Variants in TPRN observed in about 807,000 individuals in gnomAD.
TPRN encodes the protein taperin.
A neutral mutation model predicts 42.6 loss-of-function variants in TPRN; 32 were observed. The observed-to-expected ratio is 0.75, with a 90% confidence interval of 0.57 to 1.01. The LOEUF (loss-of-function observed/expected upper bound fraction) is 1.01, where lower values mean the gene tolerates loss of function less well. TPRN is among the 50% of genes least tolerant of loss of function. TPRN has a pLI of 0.00. For missense variants in TPRN, 1,095 were observed against 957.5 expected, an observed-to-expected ratio of 1.14 and a Z score of -1.90; for synonymous variants, 541 against 445.6, an observed-to-expected ratio of 1.21 and a Z score of -2.70.
chr9:137,191,758 C>T lies in TPRN; in HGVS notation c.*354G>A, dbSNP rs1490783695. On this transcript the variant is annotated 3_prime_UTR_variant, in exon 4 of 4. Coordinates refer to ENST00000409012, the MANE Select transcript of TPRN (RefSeq NM_001128228.3). ...TGGGACAGCCCTTCACCCCGACACC[C>T]CATGGCCACTGTGAGGCAGGCTGAG... The T allele has an allele frequency of 4.9e-6, 2 of 411,344 alleles. No individual in the cohort carries two copies. Among genetic ancestry groups the T allele is most frequent in the Middle Eastern group, 7.6e-4 (1 of 1,322 alleles). The allele number at this position is 411,344 out of a possible 1,614,324, so 25.5% of individuals were successfully genotyped here.
intron 1 of TPRN, among the ~76,000 whole-genome samples, chr9:137,196,472 A>G (rs565523589): frequency 3.9e-5 from 6 of 152,314 alleles, no homozygotes; most frequent in African/African-American, 1.4e-4. Flanking sequence ...CTGTAATCCC[A>G]GCTACTTGAG....
rs2131355732 is a variant in TPRN at position 137,200,728 on chromosome 9, C to T, written c.-17G>A. 1 of 1,134,292 alleles carries T rather than the reference C, an allele frequency of 8.8e-7. No individual in the cohort carries two copies. The highest frequency in any genetic ancestry group is 1.1e-6 in the Non-Finnish European group (1 of 926,278). 70.3% of individuals were successfully genotyped at this position (1,134,292 alleles called of 1,614,324 possible). ...GGCGGCCATGCTGCGAACGCGGCAG[C>T]GGACGGCTGGACTGAGGGCCGGAGT... On this transcript the variant is annotated 5_prime_UTR_variant, in exon 1 of 4. Transcript: ENST00000409012. The surrounding 1 kb of genome is among the most constrained non-coding windows in gnomAD (Gnocchi z 4.3).
In TPRN at chr9:137,198,326, G is replaced by A. The variant is rs1834737540; in HGVS notation, c.1725+661C>T. Among the ~76,000 whole-genome samples the A allele has an allele frequency of 3.3e-5, 5 of 152,190 alleles. 1 individual carries two copies. In the South Asian group the frequency reaches 8.3e-4, roughly 25 times the overall value. ...CAGAGGATTCCAGGCCACTGGCCAA[G>A]AGGGAGACTCCCCTGCCTGGCTGGC... On this transcript the variant is annotated intron_variant, in intron 1 of 3. Coordinates refer to ENST00000409012, the MANE Select transcript of TPRN (RefSeq NM_001128228.3).
Position 137,199,858 on chromosome 9 carries a change from T to C in TPRN, c.854A>G (p.Gln285Arg), listed in dbSNP as rs972076137. Residue 285 changes from glutamine (Q) to arginine (R), a missense_variant, in exon 1 of 4, where the codon CAG (glutamine) becomes CGG (arginine). Coordinates refer to ENST00000409012, the MANE Select transcript of TPRN (RefSeq NM_001128228.3). The part of the protein sequence containing the change: ...PPASATPSQR[Q>R]CVSAATSTND... ...GGTGCTGGTGGCTGCGGAGACGCACTGGCGCTGGCTAGGAGTGGCACTGGC... is the reference window on the plus strand; with the variant it reads ...GGTGCTGGTGGCTGCGGAGACGCACCGGCGCTGGCTAGGAGTGGCACTGGC... 4 of 1,298,934 alleles carry C rather than the reference T, an allele frequency of 3.1e-6. No homozygotes were observed. The South Asian group carries it at 4.9e-5, about 16-fold the overall frequency. The allele number at this position is 1,298,934 out of a possible 1,614,324, so 80.5% of individuals were successfully genotyped here. A position where few individuals can be genotyped will look rare whatever the true frequency, so the allele number is the denominator to read the frequency against.
At position 137,199,704 on chromosome 9, in the gene TPRN, C is replaced by T; in HGVS notation, c.1008G>A (p.Lys336=). Residue 336 remains lysine, a synonymous_variant, in exon 1 of 4, where the codon AAG becomes AAA. Transcript: ENST00000409012. ...NSRNSFMVIP[K]SKASGAPPPE... is the part of the protein sequence containing the mutation. ...GAGGAGGAGCCCCGGAGGCCTTGCT[C>T]TTGGGGATGACCATGAAAGAATTTC... The T allele has an allele frequency of 6.2e-7, 1 of 1,610,796 alleles. No homozygotes were observed. The highest frequency in any genetic ancestry group is 8.5e-7 in the Non-Finnish European group (1 of 1,179,216).
At chr9:137,194,993 T>C (rs1228344386) in intron 1 of TPRN, 1 of 152,324 alleles carries the variant, frequency 6.6e-6, no homozygotes, top group South Asian at 2.1e-4. Flanking sequence ...AGGACCCTTC[T>C]GTTCTCGCTC....
chr9:137,197,539 C>T (rs1301854626), intron 1 of TPRN, among the ~76,000 whole-genome samples: 3 of 152,190 alleles, frequency 2.0e-5, no homozygotes, highest in African/African-American at 4.8e-5. Flanking sequence ...ACTCCGTACT[C>T]GCCCCACAAG....
At chr9:137,197,291 C>G (rs957938402) in intron 1 of TPRN, among the ~76,000 whole-genome samples, 1 of 152,120 alleles carries the variant, frequency 6.6e-6, no homozygotes. Flanking sequence ...TTAGTAGAGA[C>G]GGGGTTTCAC....
At position 137,199,549 on chromosome 9, in the gene TPRN, A is replaced by G. The variant is rs573628971; in HGVS notation, c.1163T>C (p.Val388Ala). The part of the protein sequence containing the change: ...APALGKSPLE[V>A]EAQWAVEEGA... ...CTCCTCGACTGCCCACTGTGCCTCG[A>G]CCTCCAGGGGGCTCTTCCCGAGGGC... Residue 388 changes from valine to alanine, a missense_variant, in exon 1 of 4, where the codon GTC (valine) becomes GCC (alanine). Physicochemically the swap from Val to Ala is moderately conservative, Grantham distance 64 (BLOSUM62 0). Coordinates refer to ENST00000409012, the MANE Select transcript of TPRN (RefSeq NM_001128228.3). 3.2e-6 allele frequency: 5 copies of G among 1,561,476 alleles called. No individual in the cohort carries two copies. In the South Asian group the frequency reaches 3.5e-5, roughly 11 times the overall value.
intron 1 of TPRN, among the ~76,000 whole-genome samples, chr9:137,196,607 AAGGCTGGCC>A (rs1460567444): frequency 6.6e-6 from 1 of 152,038 alleles, no homozygotes. Context: ...AAAATAAAAA[AAGGCTGGCC>A]AGGGTGGTCA....
At chr9:137,193,236 C>A in intron 1 of TPRN, 1 of 162,928 alleles carries the variant, frequency 6.1e-6, no homozygotes, top group Non-Finnish European at 1.4e-5. Context: ...GCATGGACCC[C>A]CCACTGTGAA....
At position 137,199,423 on chromosome 9, in the gene TPRN, GCTT is replaced by G; in HGVS notation, c.1286_1288del (p.Glu429del). The G allele has an allele frequency of 6.2e-7, 1 of 1,611,854 alleles. No homozygotes were observed. Among genetic ancestry groups the G allele is most frequent in the African/African-American group, 1.3e-5 (1 of 75,058 alleles). On this transcript the variant is annotated inframe_deletion, in exon 1 of 4. Coordinates refer to ENST00000409012, the MANE Select transcript of TPRN (RefSeq NM_001128228.3). Reference sequence around the variant, plus strand: ...AACCCTGAGGCCCTCAGCAGGCTCAGCTTCTTCCGAAGCAGCCGGCAGGAAGGG... The same window carrying G: ...AACCCTGAGGCCCTCAGCAGGCTCAGCTTCCGAAGCAGCCGGCAGGAAGGG...
rs1421482855 is a variant in TPRN at position 137,191,921 on chromosome 9, CAG to C, written c.*189_*190del. 8.4e-6 allele frequency: 6 copies of C among 714,472 alleles called. No individual in the cohort carries two copies. Among genetic ancestry groups the C allele is most frequent in the Non-Finnish European group, 1.4e-5 (6 of 416,302 alleles). 44.3% of individuals were successfully genotyped at this position (714,472 alleles called of 1,614,324 possible). On this transcript the variant is annotated 3_prime_UTR_variant, in exon 4 of 4. Coordinates refer to ENST00000409012, the MANE Select transcript of TPRN (RefSeq NM_001128228.3). ...ACTTCCCCCTTGGACCCTCCCAAAT[CAG>C]GGCCGGGGAGTGAGACCCAGACCTG...
intron 1 of TPRN, among the ~76,000 whole-genome samples, chr9:137,195,810 C>T (rs915613781): frequency 1.3e-5 from 2 of 152,190 alleles, no homozygotes; most frequent in African/African-American, 4.8e-5. Context: ...GCTACAGCGC[C>T]GAGTCTCAAG....
Position 137,200,468 on chromosome 9 carries a change from G to T in TPRN, c.244C>A (p.Arg82=), listed in dbSNP as rs1423533687. 3 of 1,118,544 alleles carry T rather than the reference G, an allele frequency of 2.7e-6. No homozygotes were observed. The highest frequency in any genetic ancestry group is 3.3e-6 in the Non-Finnish European group (3 of 916,992). 69.3% of individuals were successfully genotyped at this position (1,118,544 alleles called of 1,614,324 possible). A position where few individuals can be genotyped will look rare whatever the true frequency, so the allele number is the denominator to read the frequency against. The change falls in exon 1 of 4, where the codon CGG becomes AGG. Residue 82 remains arginine (R), a synonymous_variant. Coordinates refer to ENST00000409012, the MANE Select transcript of TPRN (RefSeq NM_001128228.3). The surrounding 1 kb of genome is among the most constrained non-coding windows in gnomAD (Gnocchi z 4.3). ...CGCACGCCAGGCACGCGGCGGTACCGCTCCAGCAGCCGCGCCCCCGCCGCG... is the reference window on the plus strand; with the variant it reads ...CGCACGCCAGGCACGCGGCGGTACCTCTCCAGCAGCCGCGCCCCCGCCGCG... ...GGAAGARLLE[R]YRRVPGVRAL...
chr9:137,200,323 G>T lies in TPRN; in HGVS notation c.389C>A (p.Pro130His), dbSNP rs1206857823. 4 of 1,008,866 alleles carry T rather than the reference G, an allele frequency of 4.0e-6. No individual in the cohort carries two copies. The highest frequency in any genetic ancestry group is 1.2e-6 in the Non-Finnish European group (1 of 848,396). 62.5% of individuals were successfully genotyped at this position (1,008,866 alleles called of 1,614,324 possible). The change falls in exon 1 of 4, where the codon CCC (proline) becomes CAC (histidine). Residue 130 changes from proline to histidine, a missense_variant. Pro to His is a moderately conservative substitution (Grantham distance 77). Coordinates refer to ENST00000409012, the MANE Select transcript of TPRN (RefSeq NM_001128228.3). The surrounding 1 kb of genome is among the most constrained non-coding windows in gnomAD (Gnocchi z 4.3). ...AAEVLVYGAP[P>H]GRVSRLLERF... ...CTCCAGTAGGCGGCTGACGCGGCCGGGCGGCGCCCCGTACACCAGCACCTC... is the reference window on the plus strand; with the variant it reads ...CTCCAGTAGGCGGCTGACGCGGCCGTGCGGCGCCCCGTACACCAGCACCTC...
intron 1 of TPRN, among the ~76,000 whole-genome samples, chr9:137,198,261 G>A (rs1834736182): frequency 6.6e-6 from 1 of 152,236 alleles, no homozygotes; most frequent in African/African-American, 2.4e-5. Context: ...ACAGGTGCAG[G>A]AATTACCAGA....
rs1834626246 is a variant in TPRN, at chr9:137,192,042, G to A, written c.*70C>T. ...AAACAAGGCAGAAGCGGGTGCAGTA[G>A]TCCCTGGCTACTGCCCAGCTTCCGG... On this transcript the variant is annotated 3_prime_UTR_variant, in exon 4 of 4. Coordinates refer to ENST00000409012, the MANE Select transcript of TPRN (RefSeq NM_001128228.3). The A allele has an allele frequency of 1.3e-6, 2 of 1,576,672 alleles. No individual in the cohort carries two copies. The highest frequency in any genetic ancestry group is 2.2e-5 in the East Asian group (1 of 44,656).
chr9:137,196,669 C>T (rs1834710517), intron 1 of TPRN, among the ~76,000 whole-genome samples: 1 of 152,220 alleles, frequency 6.6e-6, no homozygotes, highest in Non-Finnish European at 1.5e-5. Flanking sequence ...CTCGCACCCC[C>T]ACCAGTGAGT....
Sources: gnomAD v4.1 joint callset for allele counts (sites outside exome capture counted in the v4.1 genomes callset) on GRCh38, gnomAD v4.1.1 for gene constraint, Gnocchi (gnomAD v3.1) non-coding constraint, MANE v1.5 for transcripts, NCBI Gene and HGNC (gene_info 2026-07-23, HGNC 2026-07-21) for gene names.